Variants in MGAM observed in about 807,000 individuals in gnomAD.
MGAM encodes the protein maltase-glucoamylase.
MGAM carries 253 observed loss-of-function variants against 358.8 expected under a neutral mutation model. The observed-to-expected ratio is 0.71, with a 90% CI of 0.64 to 0.78. MGAM has a LOEUF of 0.78. Among genes scored for constraint, MGAM ranks in the 30% least tolerant of loss-of-function variants. The pLI, the probability that MGAM is intolerant of heterozygous loss-of-function variation, is 0.00. For synonymous variants in MGAM, 1,105 were observed against 1,227.1 expected, an observed-to-expected ratio of 0.90 and a Z score of 2.08; for missense variants, 3,080 against 3,432.6, an observed-to-expected ratio of 0.90 and a Z score of 2.57.
intron 40 of MGAM, 62 bp from the exon 41 acceptor site, chr7:142,066,511 C>T: frequency 6.6e-6 from 10 of 1,511,666 alleles, no homozygotes; most frequent in Non-Finnish European, 9.1e-6. Context: ...CTTTTAGTGA[C>T]CTTCTTAAAT....
rs1439519663 is a variant in MGAM, at chr7:142,083,311, C to G, written c.6279C>G (p.Phe2093Leu). 4 of 1,550,896 alleles carry G rather than the reference C, an allele frequency of 2.6e-6. 1 individual carries two copies. The change falls in exon 53 of 71, where the codon TTC becomes TTG. Residue 2093 changes from phenylalanine (F) to leucine (L), a missense_variant. By Grantham distance (22) the Phe-to-Leu change is conservative. Around this residue, in one of 5 missense-constraint regions of MGAM, gnomAD observed 932 missense variants for 1,198.2 expected, o/e 0.78. Transcript: ENST00000475668. Reference protein sequence around the residue: ...LLNSNAMDVTFQPLPALTYRT... With the variant: ...LLNSNAMDVTLQPLPALTYRT... ...TTTCTTCATTTTCAGATGTGACGTT[C>G]CAGCCCCTGCCTGCCTTGACATACC...
At chr7:142,045,187 GATATATAATATATATTATATAACAT>G (rs1809951427) in intron 21 of MGAM, among the ~76,000 whole-genome samples, 1 of 69,620 alleles carries the variant, frequency 1.4e-5, no homozygotes, top group African/African-American at 8.6e-5. Flanking sequence ...TAACATATAT[GATATATAATATATATTATATAACAT>G]ATATGTATAT....
chr7:142,051,009 A>T lies in MGAM; in HGVS notation c.2805+145A>T, dbSNP rs1191859838. 5 of 998,078 alleles carry T rather than the reference A, an allele frequency of 5.0e-6. No homozygotes were observed. In the East Asian group the frequency reaches 1.2e-4, roughly 24 times the overall value. The allele number at this position is 998,078 out of a possible 1,614,324, so 61.8% of individuals were successfully genotyped here. On this transcript the variant is annotated intron_variant, in intron 24 of 70. Coordinates refer to ENST00000475668, the MANE Select transcript of MGAM (RefSeq NM_001365693.1). ...GGAAGTGAGAGGGCTGGGGAAAAAAATGAGGTGGCCAGAGCTAGAATGAGT... is the reference window on the plus strand; with the variant it reads ...GGAAGTGAGAGGGCTGGGGAAAAAATTGAGGTGGCCAGAGCTAGAATGAGT...
At chr7:142,018,939 G>GTT (rs374796072) in intron 3 of MGAM, among the ~76,000 whole-genome samples, 3 of 146,212 alleles carry the variant, frequency 2.1e-5, no homozygotes, top group African/African-American at 7.5e-5. Context: ...ATATTTATGA[G>GTT]TTTTTTTTTT....
chr7:142,029,295 G>T (rs970297601), intron 10 of MGAM, among the ~76,000 whole-genome samples: 2 of 152,152 alleles, frequency 1.3e-5, no homozygotes. Flanking sequence ...TGGAGGTGGA[G>T]GTTGCAGTGA....
At chr7:142,023,134 A>T (rs1210359402) in intron 7 of MGAM, among the ~76,000 whole-genome samples, 1 of 152,008 alleles carries the variant, frequency 6.6e-6, no homozygotes, top group Non-Finnish European at 1.5e-5. Flanking sequence ...ACCATGACTC[A>T]CTTTAGCCTC....
chr7:142,084,161 G>T (rs1287724290), intron 53 of MGAM, among the ~76,000 whole-genome samples: 1 of 146,190 alleles, frequency 6.8e-6, no homozygotes, highest in African/African-American at 2.4e-5. Context: ...TACAGATGAA[G>T]AAACTGAAGC....
At chr7:142,103,586 G>A (rs933526769) in intron 70 of MGAM, 147 bp downstream of exon 70, 27 of 669,294 alleles carry the variant, frequency 4.0e-5, no homozygotes, top group Non-Finnish European at 5.2e-5. Context: ...AATGGACCAC[G>A]TGGAGATGAA....
chr7:142,079,543 A>T (rs1230971773), intron 49 of MGAM, among the ~76,000 whole-genome samples: 1 of 146,096 alleles, frequency 6.8e-6, no homozygotes, highest in Non-Finnish European at 1.5e-5. Flanking sequence ...ACTGAATTTG[A>T]GATACGTATA....
intron 68 of MGAM, among the ~76,000 whole-genome samples, chr7:142,101,589 A>G (rs1816445708): frequency 6.6e-6 from 1 of 152,018 alleles, no homozygotes; most frequent in East Asian, 1.9e-4. Context: ...GTGGCAACTG[A>G]CTGAGTGGTG....
chr7:142,041,615 T>G (rs1187089691), intron 21 of MGAM, among the ~76,000 whole-genome samples: 1 of 151,610 alleles, frequency 6.6e-6, no homozygotes, highest in Admixed American at 6.6e-5. Flanking sequence ...GGTTTCACGT[T>G]ACTTTAACAA....
chr7:142,044,256 CATATA>C lies in MGAM; in HGVS notation c.2498+3416_2498+3420del, dbSNP rs1440738408. ...ATATATACATTATATACACATACGACATATAATATATACATTATATACACATACGA... is the reference window on the plus strand; with the variant it reads ...ATATATACATTATATACACATACGACATATATACATTATATACACATACGA... On this transcript the variant is annotated intron_variant, in intron 21 of 70. Coordinates refer to ENST00000475668, the MANE Select transcript of MGAM (RefSeq NM_001365693.1). Among the ~76,000 whole-genome samples, 7 of 123,280 alleles carry C rather than the reference CATATA, an allele frequency of 5.7e-5. 1 individual carries two copies. In the East Asian group the frequency reaches 8.9e-4, roughly 16 times the overall value. The allele number at this position is 123,280 out of a possible 152,430, so 80.9% of individuals were successfully genotyped here.
At chr7:142,018,582 C>T (rs1480644587) in intron 3 of MGAM, among the ~76,000 whole-genome samples, 1 of 152,146 alleles carries the variant, frequency 6.6e-6, no homozygotes, top group Non-Finnish European at 1.5e-5. Context: ...GAGAAAGAAA[C>T]TATCTTCATT....
Position 142,031,739 on chromosome 7 carries a change from G to C in MGAM, c.1530G>C (p.Trp510Cys), listed in dbSNP as rs1190098845. The C allele has an allele frequency of 1.2e-5, 19 of 1,613,372 alleles. No homozygotes were observed. Among genetic ancestry groups the C allele is most frequent in the Non-Finnish European group, 1.5e-5 (18 of 1,179,594 alleles). The change falls in exon 13 of 71, where the codon TGG becomes TGC. Residue 510 changes from tryptophan to cysteine, a missense_variant. Physicochemically the swap from Trp to Cys is radical, Grantham distance 215. Coordinates refer to ENST00000475668, the MANE Select transcript of MGAM (RefSeq NM_001365693.1). ...DYTNPNCAVW[W>C]TKEFELFHNQ... ...CCAATCCCAACTGTGCTGTTTGGTG[G>C]ACAAAGGAATTTGAGCTTTTTCACA... is the stretch of plus-strand genomic sequence containing the variant.
Position 142,066,565 on chromosome 7 carries a change from T to A in MGAM, c.4771-8T>A, listed in dbSNP as rs1585047076. On this transcript the variant is annotated splice_polypyrimidine_tract_variant and splice_region_variant and intron_variant, in intron 40 of 70. Transcript: ENST00000475668. ...CGAGCTCCCAACACTGTTCTCTTTC[T>A]CCTTTAGAGACAAGACCCTGTGTCC... is the stretch of plus-strand genomic sequence containing the variant. 2 of 1,554,278 alleles carry A rather than the reference T, an allele frequency of 1.3e-6. No individual in the cohort carries two copies. The highest frequency in any genetic ancestry group is 1.7e-5 in the Admixed American group (1 of 58,342).
At chr7:142,014,855 TAAATC>T (rs1389497575) in intron 3 of MGAM, among the ~76,000 whole-genome samples, 6 of 152,204 alleles carry the variant, frequency 3.9e-5, no homozygotes, top group Middle Eastern at 3.4e-3. Flanking sequence ...ATGGCAAAAA[TAAATC>T]AAAATCATTC....
chr7:142,037,126 T>G, intron 18 of MGAM, 149 bp downstream of exon 18: 2 of 832,084 alleles, frequency 2.4e-6, no homozygotes, highest in Non-Finnish European at 3.7e-6. Context: ...TCTATATTCA[T>G]TAATCTATCT....
At chr7:141,986,874 A>G (rs1554446311) in intron 2 of MGAM, among the ~76,000 whole-genome samples, 1 of 152,176 alleles carries the variant, frequency 6.6e-6, no homozygotes, top group African/African-American at 2.4e-5. Flanking sequence ...AAAAAAATAG[A>G]ACTCAATGGG....
upstream of MGAM, among the ~76,000 whole-genome samples, chr7:141,995,484 G>C (rs560459002): frequency 6.6e-6 from 1 of 152,172 alleles, no homozygotes; most frequent in Non-Finnish European, 1.5e-5. Flanking sequence ...ATCAGATTGT[G>C]CTACTAAACG....
Sources: allele counts gnomAD v4.1 joint callset (sites outside exome capture counted in the v4.1 genomes callset), GRCh38; gene constraint gnomAD v4.1.1; regional missense constraint gnomAD v4.1.1; transcripts MANE v1.5; gene names NCBI Gene and HGNC (gene_info 2026-07-23, HGNC 2026-07-21).